Variants in AAMDC observed in about 807,000 individuals in gnomAD.
AAMDC encodes the protein adipogenesis associated Mth938 domain containing.
Under a neutral mutation model 15.5 loss-of-function variants are expected in AAMDC, and 16 were observed. The observed-to-expected ratio is 1.03, with a 90% CI of 0.70 to 1.57. The LOEUF is 1.57. AAMDC is among the 40% of genes most tolerant of loss of function. AAMDC has a pLI of 0.00. For missense variants in AAMDC, 141 were observed against 144.9 expected (o/e 0.97, Z 0.14); for synonymous variants, 51 against 51.6 (o/e 0.99, Z 0.05).
chr11:77,891,423 C>T, intron 5 of AAMDC: 2 of 1,613,626 alleles, frequency 1.2e-6, no homozygotes, highest in East Asian at 2.2e-5. Flanking sequence ...TTGTCTGACT[C>T]GCCCGCTGGC....
downstream of AAMDC, among the ~76,000 whole-genome samples, chr11:77,875,121 A>G (rs746745169): frequency 7.2e-5 from 11 of 152,228 alleles, no homozygotes; most frequent in South Asian, 2.1e-4. Flanking sequence ...GCTGAGTTCA[A>G]TCATCTCAAA....
At chr11:77,835,301 C>T (rs1949633801) in intron 1 of AAMDC, among the ~76,000 whole-genome samples, 1 of 152,114 alleles carries the variant, frequency 6.6e-6, no homozygotes, top group African/African-American at 2.4e-5. Context: ...GCCAGAGCTC[C>T]ATATTAAACT....
At chr11:77,866,033 A>T (rs914776806) in intron 2 of AAMDC, among the ~76,000 whole-genome samples, 1 of 152,130 alleles carries the variant, frequency 6.6e-6, no homozygotes, top group Non-Finnish European at 1.5e-5. Context: ...TTTAAACTTC[A>T]CTCACAGAAT....
exon 6 of AAMDC, chr11:77,900,654 A>G: frequency 2.9e-6 from 2 of 696,342 alleles, no homozygotes; most frequent in Non-Finnish European, 5.2e-6. Flanking sequence ...TGATGCCATC[A>G]TTCTTAAGAT....
rs148294463 is a variant in AAMDC at position 77,896,998 on chromosome 11, C to T, written c.329-3573C>T. Among the ~76,000 whole-genome samples, 144 of 151,994 alleles carry T rather than the reference C, an allele frequency of 9.5e-4. 2 individuals are homozygous for T. Among genetic ancestry groups the T allele is most frequent in the African/African-American group, 3.2e-3 (133 of 41,332 alleles). ...AACCAGACTGACATAAAACATTCAA[C>T]TGTAACATTAAATACTAAAAGGGAA... On this transcript the variant is annotated intron_variant, in intron 5 of 5. Transcript: ENST00000304716.
At chr11:77,838,906 G>A (rs188921018) in intron 1 of AAMDC, among the ~76,000 whole-genome samples, 56 of 152,228 alleles carry the variant, frequency 3.7e-4, no homozygotes, top group African/African-American at 1.2e-3. Flanking sequence ...GTGAGCCACC[G>A]CGCCCAGCAA....
At chr11:77,895,433 A>G (rs944799731) in intron 5 of AAMDC, among the ~76,000 whole-genome samples, 9 of 151,342 alleles carry the variant, frequency 5.9e-5, no homozygotes, top group Admixed American at 3.3e-4. Flanking sequence ...GCAGCAGTCA[A>G]TAAGTATTTG....
intron 5 of AAMDC, among the ~76,000 whole-genome samples, chr11:77,878,506 T>TAA (rs566159329): frequency 1.5e-4 from 22 of 147,270 alleles, no homozygotes; most frequent in African/African-American, 5.0e-4. Flanking sequence ...CTGTCAATGG[T>TAA]AAAAAAAAAA....
Position 77,863,966 on chromosome 11 carries a change from G to A in AAMDC, c.133-5756G>A, listed in dbSNP as rs939697589. 4.7e-5 allele frequency among the ~76,000 whole-genome samples: 7 copies of A among 149,996 alleles called. No individual in the cohort carries two copies. The East Asian group carries it at 8.0e-4, about 17-fold the overall frequency. Reference sequence around the variant, plus strand: ...TTTGAGACAGAGTTTCACTCTTTTCGCCCAGGCTGGAGTTCAGTGGCGCGA... The same window carrying A: ...TTTGAGACAGAGTTTCACTCTTTTCACCCAGGCTGGAGTTCAGTGGCGCGA... On this transcript the variant is annotated intron_variant, in intron 2 of 3. Transcript: ENST00000393427.
At chr11:77,881,993 C>A (rs1951812079) in intron 5 of AAMDC, among the ~76,000 whole-genome samples, 1 of 151,814 alleles carries the variant, frequency 6.6e-6, no homozygotes, top group Non-Finnish European at 1.5e-5. Flanking sequence ...CTCCCTGCAG[C>A]CTTGACCCCC....
At chr11:77,849,324 C>T (rs912698862) in intron 2 of AAMDC, among the ~76,000 whole-genome samples, 6 of 152,050 alleles carry the variant, frequency 3.9e-5, no homozygotes, top group South Asian at 2.1e-4. Context: ...CGGGTTCAAG[C>T]GATTCTCTTG....
chr11:77,841,554 T>C (rs912411825), intron 1 of AAMDC, among the ~76,000 whole-genome samples: 2 of 152,230 alleles, frequency 1.3e-5, no homozygotes, highest in African/African-American at 4.8e-5. Context: ...AGCTGTTGTA[T>C]GTCTTCACTG....
chr11:77,880,944 C>A (rs929939136), intron 5 of AAMDC, among the ~76,000 whole-genome samples: 2 of 151,690 alleles, frequency 1.3e-5, no homozygotes, highest in Middle Eastern at 3.4e-3. Flanking sequence ...AACAAACAAA[C>A]AAAAAAACAA....
chr11:77,871,525 G>C lies in AAMDC; in HGVS notation c.229-650G>C, dbSNP rs562312315. ...ATGGTGACTTATGCTGGGCTAGTAG[G>C]GGGTGGGCAAGAAAGGCCTTTGTGA... On this transcript the variant is annotated intron_variant, in intron 3 of 3. Coordinates refer to ENST00000393427, the MANE Select transcript of AAMDC (RefSeq NM_024684.4). Among the ~76,000 whole-genome samples the C allele has an allele frequency of 3.4e-4, 52 of 152,298 alleles. No homozygotes were observed. The South Asian group carries it at 7.5e-3, about 22-fold the overall frequency.
chr11:77,861,641 C>T (rs189429321), intron 2 of AAMDC, among the ~76,000 whole-genome samples: 131 of 152,224 alleles, frequency 8.6e-4, no homozygotes, highest in African/African-American at 2.9e-3. Flanking sequence ...GACGAGGGGG[C>T]GGCTTATTTC....
chr11:77,831,597 C>G (rs570122218), intron 1 of AAMDC, among the ~76,000 whole-genome samples: 2 of 152,146 alleles, frequency 1.3e-5, no homozygotes, highest in East Asian at 3.9e-4. Context: ...CTACCCTTAC[C>G]TTCTTGATTT....
At position 77,825,663 on chromosome 11, in the gene AAMDC, A is replaced by T. The variant is rs551619593; in HGVS notation, c.-19+4422A>T. On this transcript the variant is annotated intron_variant, in intron 1 of 3. Transcript: ENST00000393427. The stretch of plus-strand genomic sequence containing the variant: ...AACAGAATTCTATTCATTGAAGAAG[A>T]CACCTTTAGAAGTGTCTTACTACCC... Among the ~76,000 whole-genome samples the T allele has an allele frequency of 1.1e-4, 16 of 151,742 alleles. No homozygotes were observed. The South Asian group carries it at 3.1e-3, about 30-fold the overall frequency.
intron 5 of AAMDC, chr11:77,883,830 AC>A: frequency 6.2e-7 from 1 of 1,612,794 alleles, no homozygotes; most frequent in Non-Finnish European, 8.5e-7. Context: ...CTGACTCCTT[AC>A]CTGTCCAAGC....
intron 1 of AAMDC, chr11:77,829,609 T>C (rs1320939124): frequency 4.6e-5 from 7 of 152,338 alleles, no homozygotes; most frequent in African/African-American, 1.7e-4. Flanking sequence ...TAATTCAGAA[T>C]GTTTCAGACG....
Sources: gnomAD v4.1 joint callset for allele counts (sites outside exome capture counted in the v4.1 genomes callset) on GRCh38, gnomAD v4.1.1 for gene constraint, MANE v1.5 for transcripts, NCBI Gene and HGNC (gene_info 2026-07-23, HGNC 2026-07-21) for gene names.